ADAM18: variants seen among roughly 807,000 people sequenced by gnomAD.
ADAM18 encodes ADAM metallopeptidase domain 18, also known as disintegrin and metalloproteinase domain-containing protein 18.
ADAM18 carries 117 observed loss-of-function variants against 94.4 expected under a neutral mutation model. That is an observed-to-expected ratio of 1.24 (90% CI 1.07 to 1.45). The LOEUF is 1.45. Ranked by LOEUF, ADAM18 falls within the 40% of genes most tolerant of loss-of-function variation. The probability of loss-of-function intolerance (pLI) is 0.00; values close to 1 mark genes in which losing one functional copy is unlikely to be tolerated. For missense variants in ADAM18, 936 were observed against 880.0 expected, an observed-to-expected ratio of 1.06 and a Z score of -0.81; for synonymous variants, 327 against 291.6, an observed-to-expected ratio of 1.12 and a Z score of -1.24.
At chr8:39,692,127 T>A (rs1265086849) in intron 16 of ADAM18, among the ~76,000 whole-genome samples, 1 of 151,852 alleles carries the variant, frequency 6.6e-6, no homozygotes, top group Non-Finnish European at 1.5e-5. Context: ...AAATAAATAT[T>A]GTTCTTGCCA....
intron 12 of ADAM18, among the ~76,000 whole-genome samples, chr8:39,663,069 T>A (rs895360802): frequency 6.6e-6 from 1 of 152,212 alleles, no homozygotes; most frequent in African/African-American, 2.4e-5. Flanking sequence ...ACTCTAACTT[T>A]ATTTACAATT....
intron 18 of ADAM18, among the ~76,000 whole-genome samples, chr8:39,716,576 A>G (rs1207618676): frequency 2.0e-5 from 3 of 151,854 alleles, no homozygotes; most frequent in African/African-American, 7.2e-5. Context: ...TCTGATTTCA[A>G]TCTTCTTAAA....
intron 2 of ADAM18, among the ~76,000 whole-genome samples, chr8:39,602,781 T>C (rs1370649939): frequency 1.3e-5 from 2 of 152,098 alleles, no homozygotes; most frequent in African/African-American, 4.8e-5. Flanking sequence ...ATGTCTTTCT[T>C]TGAGCTAGTA....
intron 14 of ADAM18, among the ~76,000 whole-genome samples, chr8:39,675,071 C>A (rs1450686612): frequency 2.0e-5 from 3 of 152,132 alleles, no homozygotes; most frequent in Non-Finnish European, 4.4e-5. Flanking sequence ...CCTTTCATTT[C>A]AACTTTGGTG....
At chr8:39,701,627 C>T (rs1035662654) in intron 17 of ADAM18, among the ~76,000 whole-genome samples, 2 of 152,050 alleles carry the variant, frequency 1.3e-5, no homozygotes, top group Admixed American at 6.6e-5. Context: ...TCTCCTGACC[C>T]ACTCCTCCTC....
chr8:39,611,719 C>A, intron 6 of ADAM18: 1 of 565,482 alleles, frequency 1.8e-6, no homozygotes, highest in Non-Finnish European at 2.2e-6. Context: ...AAATCATTAT[C>A]CAACATGTGG....
At chr8:39,721,872 T>C (rs1031281172) in intron 18 of ADAM18, among the ~76,000 whole-genome samples, 1 of 151,182 alleles carries the variant, frequency 6.6e-6, no homozygotes, top group African/African-American at 2.4e-5. Flanking sequence ...AAAATAGAAC[T>C]ACCACTCAAT....
chr8:39,695,866 A>C (rs1253900046), intron 17 of ADAM18, among the ~76,000 whole-genome samples: 1 of 151,322 alleles, frequency 6.6e-6, no homozygotes, highest in Admixed American at 6.6e-5. Context: ...TAATATTGCT[A>C]TGAACATTGG....
intron 13 of ADAM18, among the ~76,000 whole-genome samples, chr8:39,666,732 T>C (rs775522652): frequency 6.6e-6 from 1 of 152,148 alleles, no homozygotes; most frequent in Non-Finnish European, 1.5e-5. Context: ...TTCACTATCA[T>C]GAGAATAGCA....
intron 2 of ADAM18, among the ~76,000 whole-genome samples, chr8:39,600,776 C>T (rs893184289): frequency 1.7e-4 from 26 of 152,146 alleles, no homozygotes; most frequent in African/African-American, 6.3e-4. Flanking sequence ...AACAGGATTT[C>T]ACAATCAATT....
At chr8:39,672,900 A>G (rs1405332978) in intron 14 of ADAM18, among the ~76,000 whole-genome samples, 1 of 152,218 alleles carries the variant, frequency 6.6e-6, no homozygotes, top group African/African-American at 2.4e-5. Flanking sequence ...AGTTAAATAG[A>G]GTCCTGGCCA....
At chr8:39,727,246 T>G (rs932665678) in intron 19 of ADAM18, among the ~76,000 whole-genome samples, 7 of 152,180 alleles carry the variant, frequency 4.6e-5, no homozygotes, top group Admixed American at 3.9e-4. Context: ...CTTGGCTCCT[T>G]TTTAGTTATG....
chr8:39,693,046 G>T (rs1821824770), intron 17 of ADAM18, among the ~76,000 whole-genome samples: 1 of 151,322 alleles, frequency 6.6e-6, no homozygotes, highest in Admixed American at 6.6e-5. Flanking sequence ...GACATATCAG[G>T]GAATATTTTT....
chr8:39,711,477 AC>A (rs1450342925), intron 18 of ADAM18, among the ~76,000 whole-genome samples: 3 of 152,184 alleles, frequency 2.0e-5, no homozygotes, highest in African/African-American at 7.2e-5. Flanking sequence ...GTACTCAAAC[AC>A]CTAAAGGAAA....
chr8:39,598,875 G>A (rs544134338), intron 2 of ADAM18, among the ~76,000 whole-genome samples: 2 of 151,754 alleles, frequency 1.3e-5, no homozygotes, highest in Non-Finnish European at 2.9e-5. Flanking sequence ...GCCGTGGTGC[G>A]ATCCCAGCTC....
At chr8:39,715,122 T>A (rs1051459771) in intron 18 of ADAM18, among the ~76,000 whole-genome samples, 1 of 152,086 alleles carries the variant, frequency 6.6e-6, no homozygotes, top group East Asian at 1.9e-4. Context: ...AATCCTACTA[T>A]GTATGTTCTG....
chr8:39,716,609 A>C (rs1822587555), intron 18 of ADAM18, among the ~76,000 whole-genome samples: 1 of 151,866 alleles, frequency 6.6e-6, no homozygotes, highest in Non-Finnish European at 1.5e-5. Flanking sequence ...TATTTTTATG[A>C]TATAACATTT....
chr8:39,656,964 G>A (rs1820702408), intron 12 of ADAM18, among the ~76,000 whole-genome samples: 1 of 152,168 alleles, frequency 6.6e-6, no homozygotes, highest in South Asian at 2.1e-4. Flanking sequence ...AGTGAAAAGT[G>A]CTATTTTATT....
intron 13 of ADAM18, among the ~76,000 whole-genome samples, chr8:39,666,638 A>C (rs1820998522): frequency 6.6e-6 from 1 of 152,210 alleles, no homozygotes; most frequent in Admixed American, 6.5e-5. Context: ...GGTGAAAGGC[A>C]CATCTCACAT....
Sources: gnomAD v4.1 joint callset for allele counts (sites outside exome capture counted in the v4.1 genomes callset) on GRCh38, gnomAD v4.1.1 for gene constraint, MANE v1.5 for transcripts, NCBI Gene and HGNC (gene_info 2026-07-23, HGNC 2026-07-21) for gene names.